Variants in GSK3B observed in about 807,000 individuals in gnomAD.
GSK3B encodes the protein glycogen synthase kinase-3 beta.
Under a neutral mutation model 56.4 loss-of-function variants are expected in GSK3B, and 15 were observed. The observed-to-expected ratio is 0.27, with a 90% CI of 0.18 to 0.41. The LOEUF (loss-of-function observed/expected upper bound fraction) is 0.41, where lower values mean the gene tolerates loss of function less well. Among genes scored for constraint, GSK3B ranks in the 10% least tolerant of loss-of-function variants. The pLI is 1.00. For synonymous variants in GSK3B, 181 were observed against 188.9 expected, an observed-to-expected ratio of 0.96 and a Z score of 0.34; for missense variants, 300 against 513.4, an observed-to-expected ratio of 0.58 and a Z score of 4.02.
At chr3:120,007,810 C>T (rs761974056) in intron 1 of GSK3B, among the ~76,000 whole-genome samples, 2 of 152,174 alleles carry the variant, frequency 1.3e-5, no homozygotes, top group Non-Finnish European at 2.9e-5. Flanking sequence ...CAGCCAATAT[C>T]ATACTGAATG....
intron 1 of GSK3B, chr3:120,029,195 T>C (rs1297544165): frequency 1.5e-6 from 1 of 682,234 alleles, no homozygotes; most frequent in Non-Finnish European, 2.7e-6. Context: ...AGAAAGGAGA[T>C]TAACAAGTGG....
chr3:120,075,540 T>C (rs1376616328), intron 1 of GSK3B, among the ~76,000 whole-genome samples: 1 of 152,192 alleles, frequency 6.6e-6, no homozygotes, highest in Non-Finnish European at 1.5e-5. Context: ...AGTAAAGTTG[T>C]AGGATATAAA....
intron 7 of GSK3B, among the ~76,000 whole-genome samples, chr3:119,893,426 T>C (rs2056526720): frequency 6.6e-6 from 1 of 152,128 alleles, no homozygotes; most frequent in African/African-American, 2.4e-5. Flanking sequence ...ACCATTTTCT[T>C]GGGGTGCAAT....
intron 2 of GSK3B, among the ~76,000 whole-genome samples, chr3:119,975,967 C>T (rs913553876): frequency 1.2e-4 from 19 of 152,068 alleles, no homozygotes; most frequent in Non-Finnish European, 1.0e-4. Flanking sequence ...CCAATAAGCA[C>T]ATGAAAAGAT....
chr3:119,916,546 C>A (rs4072520), intron 4 of GSK3B, among the ~76,000 whole-genome samples: 42,303 of 152,026 alleles, frequency 0.28, 7,424 homozygotes, highest in African/African-American at 0.5. Flanking sequence ...CATGAATAAT[C>A]AGTAACTTTG....
chr3:120,093,270 T>C, intron 1 of GSK3B, 77 bp downstream of exon 1: 1 of 967,702 alleles, frequency 1.0e-6, no homozygotes, highest in Non-Finnish European at 1.7e-6. Flanking sequence ...GTCTAATAAT[T>C]TCAGATCCTG....
intron 1 of GSK3B, among the ~76,000 whole-genome samples, chr3:120,078,485 A>G (rs1187688817): frequency 6.6e-6 from 1 of 151,990 alleles, no homozygotes; most frequent in Non-Finnish European, 1.5e-5. Context: ...GTTTCTAACT[A>G]AGTTCTCCTT....
At chr3:120,007,806 A>G (rs1206502442) in intron 1 of GSK3B, among the ~76,000 whole-genome samples, 4 of 152,206 alleles carry the variant, frequency 2.6e-5, no homozygotes, top group East Asian at 1.9e-4. Context: ...CCAACAGCCA[A>G]TATCATACTG....
intron 2 of GSK3B, among the ~76,000 whole-genome samples, chr3:119,963,533 G>A (rs146499616): frequency 0.01 from 1,510 of 147,412 alleles, 13 homozygotes; most frequent in Middle Eastern, 0.071. Flanking sequence ...GTGGGAGATC[G>A]CCTGAACCTG....
At chr3:119,876,603 C>T (rs1323211489) in intron 7 of GSK3B, 95 bp from the exon 8 acceptor site, 1 of 715,158 alleles carries the variant, frequency 1.4e-6, no homozygotes, top group Non-Finnish European at 2.5e-6. Flanking sequence ...AAAAGGAATT[C>T]CCAAGTTAAA....
chr3:120,082,382 G>GT lies in GSK3B; in HGVS notation c.88+10964dup, dbSNP rs1296252569. The stretch of plus-strand genomic sequence containing the variant: ...AAATGTGGCTAGCCCAAATTAGTAT[G>GT]TTCTTTTTTTTTTTTTTTTTTTTTT... On this transcript the variant is annotated intron_variant, in intron 1 of 10. Coordinates refer to ENST00000264235, the MANE Select transcript of GSK3B (RefSeq NM_001146156.2). 7.5e-3 allele frequency among the ~76,000 whole-genome samples: 542 copies of GT among 72,280 alleles called. 9 individuals carry two copies. Among genetic ancestry groups the GT allele is most frequent in the African/African-American group, 0.028 (491 of 17,668 alleles). 47.4% of individuals were successfully genotyped at this position (72,280 alleles called of 152,430 possible).
chr3:120,039,092 C>T (rs1424539249), intron 1 of GSK3B, among the ~76,000 whole-genome samples: 1 of 152,144 alleles, frequency 6.6e-6, no homozygotes, highest in Non-Finnish European at 1.5e-5. Flanking sequence ...TGAAAAGATG[C>T]TCAACATCAT....
chr3:119,948,189 TTTAG>T (rs1281078624), intron 2 of GSK3B, among the ~76,000 whole-genome samples: 4 of 152,020 alleles, frequency 2.6e-5, no homozygotes, highest in African/African-American at 7.3e-5. Context: ...AAAATAAAGC[TTTAG>T]TTAAAGTAAT....
chr3:119,978,953 G>A (rs956271016), intron 2 of GSK3B, among the ~76,000 whole-genome samples: 7 of 152,036 alleles, frequency 4.6e-5, no homozygotes, highest in Non-Finnish European at 4.4e-5. Flanking sequence ...CTTTTGTCTG[G>A]GGATGCCTAG....
intron 1 of GSK3B, among the ~76,000 whole-genome samples, chr3:120,069,850 C>T (rs887099851): frequency 2.0e-5 from 3 of 152,076 alleles, no homozygotes; most frequent in African/African-American, 7.2e-5. Flanking sequence ...TCTTAATGCC[C>T]TATAAAATAT....
At chr3:119,840,893 G>A (rs1170315999) in intron 10 of GSK3B, among the ~76,000 whole-genome samples, 1 of 152,118 alleles carries the variant, frequency 6.6e-6, no homozygotes, top group East Asian at 1.9e-4. Context: ...AAACAGCAGG[G>A]CCAGAAACAC....
intron 9 of GSK3B, among the ~76,000 whole-genome samples, chr3:119,846,161 G>C (rs1206505902): frequency 1.3e-5 from 2 of 152,064 alleles, no homozygotes; most frequent in South Asian, 2.1e-4. Context: ...AGATGGATTA[G>C]AGACTTAAAC....
At chr3:120,024,955 G>A (rs960558377) in intron 1 of GSK3B, among the ~76,000 whole-genome samples, 2 of 152,146 alleles carry the variant, frequency 1.3e-5, no homozygotes, top group Non-Finnish European at 2.9e-5. Context: ...CACATGAAAC[G>A]TTCAGAATAA....
intron 2 of GSK3B, among the ~76,000 whole-genome samples, chr3:119,983,317 C>T (rs774821571): frequency 6.6e-6 from 1 of 152,030 alleles, no homozygotes; most frequent in African/African-American, 2.4e-5. Flanking sequence ...AAATAACCAG[C>T]GAACATCATA....
Sources: gnomAD v4.1 joint callset for allele counts (sites outside exome capture counted in the v4.1 genomes callset) on GRCh38, gnomAD v4.1.1 for gene constraint, MANE v1.5 for transcripts, NCBI Gene and HGNC (gene_info 2026-07-23, HGNC 2026-07-21) for gene names.